The following ROBO2 variants were observed in gnomAD, a reference collection of about 807,000 sequenced individuals.
ROBO2 encodes roundabout homolog 2.
ROBO2 carries 53 observed loss-of-function variants against 160.8 expected under a neutral mutation model. The ratio of observed to expected loss-of-function variants is 0.33; its 90% CI spans 0.26 to 0.41. The LOEUF (loss-of-function observed/expected upper bound fraction) is 0.41. Ranked by LOEUF, ROBO2 falls within the 10% of genes least tolerant of loss-of-function variation. ROBO2 has a pLI of 1.00. For missense variants in ROBO2, 1,577 were observed against 1,722.4 expected, an observed-to-expected ratio of 0.92 and a Z score of 1.49; for synonymous variants, 664 against 611.7, an observed-to-expected ratio of 1.09 and a Z score of -1.26.
chr3:76,008,250 AAAAAG>A (rs1243693224), intron 2 of ROBO2, among the ~76,000 whole-genome samples: 4 of 150,932 alleles, frequency 2.7e-5, no homozygotes, highest in African/African-American at 9.7e-5. Context: ...AAAAAAAAAA[AAAAAG>A]AAAAGAAAAA....
Position 77,584,759 on chromosome 3 carries a change from T to C in ROBO2, c.2501-3992T>C, listed in dbSNP as rs535633864. Among the ~76,000 whole-genome samples the C allele has an allele frequency of 6.6e-5, 10 of 152,022 alleles. No individual in the cohort carries two copies. The East Asian group carries it at 1.7e-3, about 26-fold the overall frequency. On this transcript the variant is annotated intron_variant, in intron 16 of 25. Transcript: ENST00000461745. ...ACCTACAATCTTGTCCTTCTGAGAT[T>C]TTCTAAAATAAATTGGAATAAGAAA...
intron 2 of ROBO2, among the ~76,000 whole-genome samples, chr3:76,696,561 C>T (rs1475908986): frequency 4.6e-5 from 7 of 152,040 alleles, no homozygotes; most frequent in Non-Finnish European, 1.0e-4. Flanking sequence ...TAGCTACCCA[C>T]CTTCTGGGAA....
At chr3:77,131,904 T>G (rs767738858) in intron 2 of ROBO2, among the ~76,000 whole-genome samples, 1 of 152,154 alleles carries the variant, frequency 6.6e-6, no homozygotes, top group Non-Finnish European at 1.5e-5. Context: ...GGTAGAGTGT[T>G]TATATACGTT....
chr3:76,413,986 G>A (rs535356146), intron 2 of ROBO2, among the ~76,000 whole-genome samples: 4 of 152,286 alleles, frequency 2.6e-5, no homozygotes, highest in Non-Finnish European at 4.4e-5. Context: ...GGAGGCCTCA[G>A]AATCATGGCA....
At chr3:77,291,390 G>T (rs898272749) in intron 2 of ROBO2, among the ~76,000 whole-genome samples, 1 of 151,670 alleles carries the variant, frequency 6.6e-6, no homozygotes, top group African/African-American at 2.4e-5. Flanking sequence ...CATCACCCCA[G>T]ACATAAAGTA....
intron 24 of ROBO2, among the ~76,000 whole-genome samples, chr3:77,641,457 C>T (rs994061656): frequency 1.3e-5 from 2 of 152,120 alleles, no homozygotes; most frequent in African/African-American, 4.8e-5. Flanking sequence ...CTTTTGTCTA[C>T]AAGAAATTTA....
chr3:77,633,121 C>T (rs180930073), intron 23 of ROBO2: 2 of 152,448 alleles, frequency 1.3e-5, no homozygotes, highest in Admixed American at 6.5e-5. Context: ...CTAAGGTTGT[C>T]GGTCTTACCA....
At chr3:76,751,078 G>A (rs1237731744) in intron 2 of ROBO2, among the ~76,000 whole-genome samples, 3 of 152,020 alleles carry the variant, frequency 2.0e-5, no homozygotes, top group Admixed American at 1.3e-4. Flanking sequence ...AAACAGCATG[G>A]TACTGGTACC....
intron 2 of ROBO2, among the ~76,000 whole-genome samples, chr3:76,507,152 C>T (rs1325023372): frequency 4.6e-5 from 7 of 151,704 alleles, no homozygotes; most frequent in Non-Finnish European, 7.4e-5. Context: ...ATTAGAAATT[C>T]GTACAGGGCA....
At chr3:76,121,509 A>G (rs1296679465) in intron 2 of ROBO2, among the ~76,000 whole-genome samples, 1 of 152,168 alleles carries the variant, frequency 6.6e-6, no homozygotes, top group African/African-American at 2.4e-5. Context: ...AATTTCATTT[A>G]TAAGCTAAGT....
At chr3:76,227,661 A>C (rs570723198) in intron 2 of ROBO2, among the ~76,000 whole-genome samples, 1 of 152,306 alleles carries the variant, frequency 6.6e-6, no homozygotes, top group East Asian at 1.9e-4. Context: ...CCTTTAGTCC[A>C]AGGATAAAAA....
At chr3:77,401,751 C>T (rs1404851838) in intron 2 of ROBO2, among the ~76,000 whole-genome samples, 1 of 152,124 alleles carries the variant, frequency 6.6e-6, no homozygotes, top group Non-Finnish European at 1.5e-5. Flanking sequence ...TTGTTACCGG[C>T]TTCTTTAAAA....
chr3:77,303,735 AATC>A (rs974603522), intron 2 of ROBO2, among the ~76,000 whole-genome samples: 16 of 152,150 alleles, frequency 1.1e-4, no homozygotes, highest in East Asian at 3.9e-4. Context: ...ATAAAAATAA[AATC>A]ATCATGTTGT....
Position 76,419,133 on chromosome 3 carries a change from AAC to A in ROBO2, c.109+481535_109+481536del, listed in dbSNP as rs1255017654. Reference sequence around the variant, plus strand: ...CAGGTAAACAGTGGGTTAAGGAGTAAACACAGATAAATCACCATAAAATGGAA... The same window carrying A: ...CAGGTAAACAGTGGGTTAAGGAGTAAACAGATAAATCACCATAAAATGGAA... On this transcript the variant is annotated intron_variant, in intron 2 of 26. Transcript: ENST00000487694. Among the ~76,000 whole-genome samples, 3 of 152,182 alleles carry A rather than the reference AAC, an allele frequency of 2.0e-5. No individual in the cohort carries two copies. In the East Asian group the frequency reaches 5.8e-4, roughly 29 times the overall value.
chr3:76,977,770 A>G (rs1222329361), intron 2 of ROBO2, among the ~76,000 whole-genome samples: 1 of 152,176 alleles, frequency 6.6e-6, no homozygotes, highest in African/African-American at 2.4e-5. Context: ...GTTTTGATGT[A>G]AAGCATTTGA....
intron 2 of ROBO2, among the ~76,000 whole-genome samples, chr3:76,825,319 T>C (rs1249116657): frequency 6.6e-6 from 1 of 152,156 alleles, no homozygotes; most frequent in Non-Finnish European, 1.5e-5. Flanking sequence ...ATTTCTATAA[T>C]GTGCTTGCTG....
intron 1 of ROBO2, among the ~76,000 whole-genome samples, chr3:77,075,922 C>T (rs1308925868): frequency 1.3e-5 from 2 of 152,000 alleles, no homozygotes; most frequent in Non-Finnish European, 2.9e-5. Context: ...AAATGATCCA[C>T]CTGCCTCGGC....
At chr3:76,641,452 A>G (rs2090670179) in intron 2 of ROBO2, among the ~76,000 whole-genome samples, 1 of 152,192 alleles carries the variant, frequency 6.6e-6, no homozygotes, top group Non-Finnish European at 1.5e-5. Context: ...TTAAGAGTTC[A>G]TCCTTGGAAT....
chr3:77,068,829 G>T (rs972905127), intron 1 of ROBO2, among the ~76,000 whole-genome samples: 1 of 152,062 alleles, frequency 6.6e-6, no homozygotes, highest in Admixed American at 6.6e-5. Context: ...TAAAATAAAG[G>T]TGGGCACACT....
Sources: gnomAD v4.1 joint callset for allele counts (sites outside exome capture counted in the v4.1 genomes callset) on GRCh38, gnomAD v4.1.1 for gene constraint, MANE v1.5 for transcripts, NCBI Gene and HGNC (gene_info 2026-07-23, HGNC 2026-07-21) for gene names.